Variants in MAB21L3 observed in about 807,000 individuals in gnomAD.
MAB21L3 encodes the protein mab-21 like 3.
MAB21L3 carries 36 observed loss-of-function variants against 37.7 expected under a neutral mutation model. The ratio of observed to expected loss-of-function variants is 0.96; its 90% CI spans 0.73 to 1.26. The LOEUF (loss-of-function observed/expected upper bound fraction) is 1.26, where lower values mean the gene tolerates loss of function less well. Ranked by LOEUF, MAB21L3 falls within the 50% of genes most tolerant of loss-of-function variation. The pLI, the probability that MAB21L3 is intolerant of heterozygous loss-of-function variation, is 0.00. For missense variants in MAB21L3, 430 were observed against 447.3 expected (o/e 0.96, Z 0.35); for synonymous variants, 186 against 176.8 (o/e 1.05, Z -0.41).
At chr1:116,128,014 C>A in intron 6 of MAB21L3, 131 bp from the exon 7 acceptor site, 1 of 960,176 alleles carries the variant, frequency 1.0e-6, no homozygotes. Context: ...GCACCCCCTT[C>A]TCATCCCCAC....
In MAB21L3 at chr1:116,128,213, G is replaced by A. The variant is rs149945623; in HGVS notation, c.729G>A (p.Gln243=). 81 of 1,614,030 alleles carry A rather than the reference G, an allele frequency of 5.0e-5. No homozygotes were observed. In the Middle Eastern group the frequency reaches 1.2e-3, roughly 23 times the overall value. ...AGCTGAGCTTCCTCCGTGCTGAGCAGGTGTTACTGGAACAGCTGGATGAAG... is the reference window on the plus strand; with the variant it reads ...AGCTGAGCTTCCTCCGTGCTGAGCAAGTGTTACTGGAACAGCTGGATGAAG... ...HWQLSFLRAE[Q]VLLEQLDEDG... is the part of the protein sequence containing the mutation. Residue 243 remains glutamine, a synonymous_variant, in exon 7 of 8, where the codon CAG becomes CAA. Transcript: ENST00000369500.
chr1:116,127,392 C>T, intron 5 of MAB21L3, 74 bp from the exon 6 acceptor site: 1 of 1,491,974 alleles, frequency 6.7e-7, no homozygotes, highest in Non-Finnish European at 9.1e-7. Context: ...CAACTGCTCA[C>T]AAATTTCTTG....
chr1:116,124,427 T>A, intron 5 of MAB21L3, 70 bp downstream of exon 5: 1 of 1,445,270 alleles, frequency 6.9e-7, no homozygotes, highest in East Asian at 2.3e-5. Flanking sequence ...AACCTCTGTT[T>A]GGGTGTTACC....
rs201709641 is a variant in MAB21L3, at chr1:116,112,575, A to T, written c.-41A>T. ...GCACTCCATTGAGAAAAAAAAAAAA[A>T]CCAGGAAGTTGCTGTTCTACTGAGG... On this transcript the variant is annotated 5_prime_UTR_variant, in exon 3 of 8. Transcript: ENST00000369500. 8.7e-5 allele frequency: 138 copies of T among 1,587,164 alleles called. No homozygotes were observed. The highest frequency in any genetic ancestry group is 8.6e-6 in the Non-Finnish European group (10 of 1,169,186).
intron 6 of MAB21L3, among the ~76,000 whole-genome samples, 192 bp downstream of exon 6, chr1:116,127,836 T>C (rs1659952955): frequency 6.6e-6 from 1 of 152,236 alleles, no homozygotes. Flanking sequence ...GCCCCCACTC[T>C]GGACCTGCTG....
chr1:116,124,107 A>G lies in MAB21L3; in HGVS notation c.231A>G (p.Lys77=), dbSNP rs140242189. 1.8e-5 allele frequency: 29 copies of G among 1,612,216 alleles called. No homozygotes were observed. The African/African-American group carries it at 3.6e-4, about 20-fold the overall frequency. ...PSQFLVTVPI[K]GLAGYREARE... ...AGTTCCTCGTCACAGTCCCAATAAA[A>G]GGCCTGGCCGGGTACAGGGAGGCCA... Residue 77 remains lysine (K), a synonymous_variant, in exon 5 of 8, where the codon AAA becomes AAG. Transcript: ENST00000369500.
rs1391842143 is a variant in MAB21L3, at chr1:116,135,515, C to T, written c.*2150C>T. Among the ~76,000 whole-genome samples the T allele has an allele frequency of 6.6e-6, 1 of 152,002 alleles. No homozygotes were observed. Among genetic ancestry groups the T allele is most frequent in the East Asian group, 1.9e-4 (1 of 5,190 alleles). On this transcript the variant is annotated 3_prime_UTR_variant, in exon 8 of 8. Coordinates refer to ENST00000369500, the MANE Select transcript of MAB21L3 (RefSeq NM_152367.3). ...CTTACCAACCAAAAAGAGTCCAGGA[C>T]CAGATGGATTCACAGCCGAATTCTA...
chr1:116,135,155 C>T lies in MAB21L3; in HGVS notation c.*1790C>T, dbSNP rs1264675987. 2 of 151,608 alleles carry T rather than the reference C, an allele frequency of 1.3e-5. No homozygotes were observed. Among genetic ancestry groups the T allele is most frequent in the Admixed American group, 1.3e-4 (2 of 15,236 alleles). 9.4% of individuals were successfully genotyped at this position (151,608 alleles called of 1,614,324 possible). A position where few individuals can be genotyped will look rare whatever the true frequency, so the allele number is the denominator to read the frequency against. ...AGCAGAACTGAAGGAAATAGAGACA[C>T]AAAAAACCCTTCAAAAAATTAATAG... On this transcript the variant is annotated 3_prime_UTR_variant, in exon 8 of 8. Coordinates refer to ENST00000369500, the MANE Select transcript of MAB21L3 (RefSeq NM_152367.3).
rs1476362564 is a variant in MAB21L3, at chr1:116,135,137, C to A, written c.*1772C>A. On this transcript the variant is annotated 3_prime_UTR_variant, in exon 8 of 8. Coordinates refer to ENST00000369500, the MANE Select transcript of MAB21L3 (RefSeq NM_152367.3). ...AGAAATAACTAAAATCAGAGCAGAA[C>A]TGAAGGAAATAGAGACACAAAAAAC... The A allele has an allele frequency of 1.3e-5, 2 of 151,730 alleles. No homozygotes were observed. The highest frequency in any genetic ancestry group is 4.9e-5 in the African/African-American group (2 of 41,196). The allele number at this position is 151,730 out of a possible 1,614,324, so 9.4% of individuals were successfully genotyped here. A position where few individuals can be genotyped will look rare whatever the true frequency, so the allele number is the denominator to read the frequency against.
chr1:116,114,248 G>T (rs528336818), intron 3 of MAB21L3, among the ~76,000 whole-genome samples: 44 of 152,296 alleles, frequency 2.9e-4, no homozygotes, highest in African/African-American at 1.0e-3. Flanking sequence ...GAAGAACAGT[G>T]TCTTGCATAC....
chr1:116,120,932 G>A lies in MAB21L3; in HGVS notation c.49G>A (p.Val17Met), dbSNP rs2101612026. Reference protein sequence around the residue: ...GDLEDCLLNKVDLRRQQISQA... With the variant: ...GDLEDCLLNKMDLRRQQISQA... ...CATTGCTGGTCCCTCTCACACCCAG[G>A]TGGACTTGAGGCGCCAGCAGATTTC... Residue 17 changes from valine to methionine, a missense_variant and splice_region_variant, in exon 4 of 8, where the codon GTG becomes ATG. Coordinates refer to ENST00000369500, the MANE Select transcript of MAB21L3 (RefSeq NM_152367.3). 1 of 1,614,042 alleles carries A rather than the reference G, an allele frequency of 6.2e-7. No homozygotes were observed. Among genetic ancestry groups the A allele is most frequent in the Non-Finnish European group, 8.5e-7 (1 of 1,179,950 alleles).
intron 7 of MAB21L3, among the ~76,000 whole-genome samples, chr1:116,128,722 A>G (rs1659980512): frequency 6.6e-6 from 1 of 152,098 alleles, no homozygotes; most frequent in Admixed American, 6.6e-5. Context: ...TTTGTGCCTC[A>G]CACTTTGATG....
At position 116,134,382 on chromosome 1, in the gene MAB21L3, C is replaced by T. The variant is rs1418069535; in HGVS notation, c.*1017C>T. ...TGGGGATGCCACCTAATGGTGGAGA[C>T]AAGAAATGAACGACAGATAAACACG... On this transcript the variant is annotated 3_prime_UTR_variant, in exon 8 of 8. Transcript: ENST00000369500. 1.3e-5 allele frequency: 2 copies of T among 152,102 alleles called. No individual in the cohort carries two copies. Among genetic ancestry groups the T allele is most frequent in the Non-Finnish European group, 2.9e-5 (2 of 68,024 alleles). The allele number at this position is 152,102 out of a possible 1,614,324, so 9.4% of individuals were successfully genotyped here.
chr1:116,127,650 A>G lies in MAB21L3; in HGVS notation c.660+6A>G, dbSNP rs748587647. On this transcript the variant is annotated splice_donor_region_variant and intron_variant, in intron 6 of 7. Coordinates refer to ENST00000369500, the MANE Select transcript of MAB21L3 (RefSeq NM_152367.3). ...AGAGAGTGGAGTGCATCAAGGTATC[A>G]GTGGGCGGGACCCAGCTTGCCAGAG... The G allele has an allele frequency of 4.4e-6, 7 of 1,608,744 alleles. No individual in the cohort carries two copies. In the South Asian group the frequency reaches 7.7e-5, roughly 18 times the overall value.
At position 116,137,567 on chromosome 1, in the gene MAB21L3, C is replaced by T. The variant is rs1355276587; in HGVS notation, c.*4202C>T. Among the ~76,000 whole-genome samples the T allele has an allele frequency of 2.7e-5, 4 of 149,698 alleles. No individual in the cohort carries two copies. Among genetic ancestry groups the T allele is most frequent in the South Asian group, 2.1e-4 (1 of 4,682 alleles). On this transcript the variant is annotated 3_prime_UTR_variant, in exon 8 of 8. Transcript: ENST00000369500. ...TCAACCATTATGGAAGTCAGTGTGG[C>T]GATTCCTCAGGGATCTAGAACTAGA...
At position 116,124,292 on chromosome 1, in the gene MAB21L3, C is replaced by T; in HGVS notation, c.416C>T (p.Pro139Leu). The change falls in exon 5 of 8, where the codon CCT (proline) becomes CTT (leucine). Residue 139 changes from proline (P) to leucine (L), a missense_variant. By Grantham distance (98) the Pro-to-Leu change is moderately conservative. Coordinates refer to ENST00000369500, the MANE Select transcript of MAB21L3 (RefSeq NM_152367.3). Reference protein sequence around the residue: ...TDVNIDGDIVPAKVLLVFRKL... With the variant: ...TDVNIDGDIVLAKVLLVFRKL... ...GTGAACATCGACGGAGACATTGTGC[C>T]TGCCAAGGTCCTCCTAGTGTTCCGG... 1 of 1,614,166 alleles carries T rather than the reference C, an allele frequency of 6.2e-7. No individual in the cohort carries two copies. The highest frequency in any genetic ancestry group is 8.5e-7 in the Non-Finnish European group (1 of 1,180,048).
intron 4 of MAB21L3, 26 bp downstream of exon 4, chr1:116,121,098 T>C (rs1659737234): frequency 1.2e-6 from 2 of 1,606,308 alleles, no homozygotes; most frequent in Non-Finnish European, 1.7e-6. Context: ...TGTCTCTAAG[T>C]GCCACCAACA....
At chr1:116,113,315 G>A (rs975192078) in intron 3 of MAB21L3, among the ~76,000 whole-genome samples, 1 of 152,140 alleles carries the variant, frequency 6.6e-6, no homozygotes, top group Non-Finnish European at 1.5e-5. Context: ...GCCTTTACAA[G>A]TTCGAAAGAG....
intron 3 of MAB21L3, among the ~76,000 whole-genome samples, chr1:116,114,203 G>A (rs1488244471): frequency 2.6e-5 from 4 of 152,162 alleles, no homozygotes; most frequent in African/African-American, 4.8e-5. Context: ...CAACTTACAT[G>A]TCATATCATT....
Sources: gnomAD v4.1 joint callset for allele counts (sites outside exome capture counted in the v4.1 genomes callset) on GRCh38, gnomAD v4.1.1 for gene constraint, MANE v1.5 for transcripts, NCBI Gene and HGNC (gene_info 2026-07-23, HGNC 2026-07-21) for gene names.